The following PPP3CB variants were observed in gnomAD, a reference collection of about 807,000 sequenced individuals.
PPP3CB encodes protein phosphatase 3 catalytic subunit beta.
Under a neutral mutation model 66.4 loss-of-function variants are expected in PPP3CB, and 8 were observed. The observed-to-expected ratio is 0.12, with a 90% confidence interval of 0.07 to 0.22. PPP3CB has a LOEUF of 0.22. PPP3CB is among the 10% of genes least tolerant of loss of function. The pLI is 1.00. For synonymous variants in PPP3CB, 208 were observed against 221.2 expected (o/e 0.94, Z 0.53); for missense variants, 319 against 642.5 (o/e 0.50, Z 5.44).
intron 13 of PPP3CB, among the ~76,000 whole-genome samples, chr10:73,438,852 A>G (rs1388318155): frequency 6.6e-6 from 1 of 152,126 alleles, no homozygotes; most frequent in African/African-American, 2.4e-5. Flanking sequence ...TTAATCCTCA[A>G]TATACAAATC....
At chr10:73,477,113 C>T (rs1159428424) in intron 3 of PPP3CB, 1 of 513,872 alleles carries the variant, frequency 1.9e-6, no homozygotes. Flanking sequence ...CCTCTCTAAG[C>T]CTCAGGTTCC....
chr10:73,475,576 A>C (rs2056772326), intron 3 of PPP3CB, among the ~76,000 whole-genome samples: 1 of 152,226 alleles, frequency 6.6e-6, no homozygotes, highest in African/African-American at 2.4e-5. Context: ...TCTGATCTTA[A>C]GCATTATGCC....
intron 9 of PPP3CB, among the ~76,000 whole-genome samples, chr10:73,466,453 C>A (rs1209266507): frequency 1.3e-5 from 2 of 152,110 alleles, no homozygotes; most frequent in East Asian, 1.9e-4. Context: ...GGAGAGTGAG[C>A]AGGATGAATT....
intron 9 of PPP3CB, among the ~76,000 whole-genome samples, chr10:73,463,211 C>G: frequency 6.6e-6 from 1 of 152,270 alleles, no homozygotes; most frequent in Middle Eastern, 3.4e-3. Flanking sequence ...TCTCCCCACT[C>G]TCCGTTCCTA....
intron 13 of PPP3CB, among the ~76,000 whole-genome samples, chr10:73,438,796 G>A (rs181997483): frequency 2.4e-4 from 36 of 152,284 alleles, no homozygotes; most frequent in Admixed American, 5.9e-4. Flanking sequence ...GACTATCACA[G>A]TAAGGCAGCA....
intron 1 of PPP3CB, among the ~76,000 whole-genome samples, chr10:73,489,465 T>C (rs939797255): frequency 6.6e-6 from 1 of 151,174 alleles, no homozygotes; most frequent in Non-Finnish European, 1.5e-5. Context: ...GTACTTACCA[T>C]GTGCCAGGCC....
intron 9 of PPP3CB, among the ~76,000 whole-genome samples, chr10:73,461,677 T>A (rs929412738): frequency 6.6e-6 from 1 of 152,190 alleles, no homozygotes. Context: ...TTGGCACTTT[T>A]CGGTTAAATT....
chr10:73,484,978 G>C (rs1270576834), intron 1 of PPP3CB, among the ~76,000 whole-genome samples: 1 of 151,138 alleles, frequency 6.6e-6, no homozygotes, highest in Non-Finnish European at 1.5e-5. Flanking sequence ...GCTTGAACCT[G>C]GGGGGCAGAG....
At chr10:73,440,862 A>G (rs555965008) in intron 12 of PPP3CB, among the ~76,000 whole-genome samples, 24 of 152,184 alleles carry the variant, frequency 1.6e-4, no homozygotes, top group Non-Finnish European at 2.4e-4. Flanking sequence ...CCATTTAGAG[A>G]ATTTCACCAT....
At chr10:73,492,266 C>T (rs1281269719) in intron 1 of PPP3CB, among the ~76,000 whole-genome samples, 1 of 152,100 alleles carries the variant, frequency 6.6e-6, no homozygotes, top group Non-Finnish European at 1.5e-5. Flanking sequence ...TGAACATATG[C>T]CCAATACTGA....
chr10:73,462,949 CAAAAAAAAAAAAAA>C (rs10569079), intron 9 of PPP3CB, among the ~76,000 whole-genome samples: 11 of 58,822 alleles, frequency 1.9e-4, no homozygotes, highest in South Asian at 1.1e-3. Context: ...GACTCTGTCT[CAAAAAAAAAAAAAA>C]AAAAAAAAAA....
chr10:73,471,379 T>C, intron 5 of PPP3CB, 89 bp downstream of exon 5: 1 of 1,420,166 alleles, frequency 7.0e-7, no homozygotes, highest in South Asian at 1.4e-5. Context: ...TTACCTAATC[T>C]TGGCAGTGAA....
At chr10:73,438,488 A>T in intron 13 of PPP3CB, 68 bp from the exon 14 acceptor site, 1 of 1,404,462 alleles carries the variant, frequency 7.1e-7, no homozygotes, top group African/African-American at 1.4e-5. Context: ...AAACATAATT[A>T]ATGATTTTTA....
chr10:73,463,857 G>A (rs986420969), intron 9 of PPP3CB, among the ~76,000 whole-genome samples: 2 of 151,984 alleles, frequency 1.3e-5, no homozygotes, highest in Non-Finnish European at 2.9e-5. Context: ...GGATGGTCTC[G>A]ATCTCCTGAC....
chr10:73,441,689 G>C (rs966428192), intron 12 of PPP3CB, among the ~76,000 whole-genome samples: 1 of 152,134 alleles, frequency 6.6e-6, no homozygotes, highest in Non-Finnish European at 1.5e-5. Context: ...AGAGGAATTT[G>C]GTATTACTAA....
At chr10:73,495,654 GCAGGGGCCCGCC>G (rs2057191416) in intron 1 of PPP3CB, 139 bp downstream of exon 1, 2 of 1,222,550 alleles carry the variant, frequency 1.6e-6, no homozygotes, top group Middle Eastern at 2.2e-4. Context: ...GCCCTGCCCA[GCAGGGGCCCGCC>G]CAGGGGCCAC....
rs2056219972 is a variant in PPP3CB at position 73,444,792 on chromosome 10, C to T, written c.1299G>A (p.Lys433=). 7.4e-6 allele frequency: 12 copies of T among 1,613,540 alleles called. No individual in the cohort carries two copies. The highest frequency in any genetic ancestry group is 1.0e-5 in the Non-Finnish European group (12 of 1,180,036). Residue 433 remains lysine, a synonymous_variant, in exon 12 of 14, where the codon AAG becomes AAA. Transcript: ENST00000360663. ...GCAACATCCCTGTGGGAGTCAGGCC[C>T]TTGAGTGTCAGCACACTTTCACTCT... The part of the protein sequence containing the change: ...REESESVLTL[K]GLTPTGMLPS...
At chr10:73,462,135 T>G (rs1352490789) in intron 9 of PPP3CB, among the ~76,000 whole-genome samples, 3 of 132,096 alleles carry the variant, frequency 2.3e-5, no homozygotes, top group African/African-American at 8.3e-5. Context: ...CCAATTAAAC[T>G]CCTTCTTTTT....
intron 8 of PPP3CB, among the ~76,000 whole-genome samples, chr10:73,469,087 A>G (rs1343633671): frequency 1.3e-5 from 2 of 152,224 alleles, no homozygotes; most frequent in Non-Finnish European, 2.9e-5. Flanking sequence ...AAAAAAATCC[A>G]TCCCTTAACC....
Sources: gnomAD v4.1 joint callset for allele counts (sites outside exome capture counted in the v4.1 genomes callset) on GRCh38, gnomAD v4.1.1 for gene constraint, MANE v1.5 for transcripts, NCBI Gene and HGNC (gene_info 2026-07-23, HGNC 2026-07-21) for gene names.